PSMA1: variants seen among roughly 807,000 people sequenced by gnomAD.
PSMA1 encodes the protein proteasome subunit alpha type-1.
In PSMA1, 3 loss-of-function variants were observed where a neutral mutation model predicts 38.4. The ratio of observed to expected loss-of-function variants is 0.08; its 90% CI spans 0.04 to 0.20. The LOEUF (loss-of-function observed/expected upper bound fraction) is 0.20. PSMA1 is among the 10% of genes least tolerant of loss of function. The pLI is 1.00. For missense variants in PSMA1, 227 were observed against 325.3 expected (o/e 0.70, Z 2.32); for synonymous variants, 101 against 107.1 (o/e 0.94, Z 0.35).
At chr11:14,572,092 T>A (rs911706371) in intron 2 of PSMA1, among the ~76,000 whole-genome samples, 2 of 152,298 alleles carry the variant, frequency 1.3e-5, no homozygotes, top group Middle Eastern at 6.8e-3. Context: ...ACTGTCAATA[T>A]TAGACAGATC....
chr11:14,587,213 A>G (rs1852357868), intron 2 of PSMA1, among the ~76,000 whole-genome samples: 2 of 151,834 alleles, frequency 1.3e-5, no homozygotes, highest in South Asian at 4.1e-4. Context: ...TTCATTCTTG[A>G]TAGGTTAAAG....
At chr11:14,624,922 T>C (rs1335419815) in intron 1 of PSMA1, among the ~76,000 whole-genome samples, 1 of 152,152 alleles carries the variant, frequency 6.6e-6, no homozygotes, top group Non-Finnish European at 1.5e-5. Context: ...GCCAAGGTGA[T>C]AGCTGAGGGT....
intron 9 of PSMA1, among the ~76,000 whole-genome samples, chr11:14,507,057 C>T (rs2134140321): frequency 6.6e-6 from 1 of 152,284 alleles, no homozygotes; most frequent in East Asian, 1.9e-4. Context: ...AGGTGAGCCC[C>T]AGTCAGCCGC....
chr11:14,524,027 C>G (rs144111468), upstream of PSMA1, among the ~76,000 whole-genome samples: 4 of 147,546 alleles, frequency 2.7e-5, no homozygotes, highest in Non-Finnish European at 5.9e-5. Flanking sequence ...GTAATCCCGA[C>G]ACTTTTTTTT....
intron 1 of PSMA1, among the ~76,000 whole-genome samples, chr11:14,637,288 T>C (rs1853122344): frequency 6.6e-6 from 1 of 152,218 alleles, no homozygotes. Context: ...CTCCTCCTTG[T>C]CCACCTGGGA....
chr11:14,507,161 C>G (rs1370416220), intron 9 of PSMA1, among the ~76,000 whole-genome samples: 1 of 151,834 alleles, frequency 6.6e-6, no homozygotes, highest in African/African-American at 2.4e-5. Context: ...AACACTTCTC[C>G]CTTTTTGTGT....
rs374080920 is a variant in PSMA1, at chr11:14,514,504, C to A, written c.255-13G>T. On this transcript the variant is annotated splice_polypyrimidine_tract_variant and intron_variant, in intron 4 of 9. Coordinates refer to ENST00000396394, the MANE Select transcript of PSMA1 (RefSeq NM_002786.4). Reference sequence around the variant, plus strand: ...ACGCATAAAATTACTAAAAAAGAAACAAAAAAAGTTTAGTAATTTCAAATT... The same window carrying A: ...ACGCATAAAATTACTAAAAAAGAAAAAAAAAAAGTTTAGTAATTTCAAATT... 5 of 1,524,664 alleles carry A rather than the reference C, an allele frequency of 3.3e-6. No homozygotes were observed. The highest frequency in any genetic ancestry group is 4.7e-5 in the Admixed American group (2 of 42,616). 94.4% of individuals were successfully genotyped at this position (1,524,664 alleles called of 1,614,324 possible).
rs554861864 is a variant in PSMA1 at position 14,514,181 on chromosome 11, C to T, written c.343+222G>A. On this transcript the variant is annotated intron_variant, in intron 5 of 9. Coordinates refer to ENST00000396394, the MANE Select transcript of PSMA1 (RefSeq NM_002786.4). ...CTAGAACCATTAAGAAACTTTAAAT[C>T]CCCTCTAAAAAGATGCTTAGATGAT... is the stretch of plus-strand genomic sequence containing the variant. The T allele has an allele frequency of 3.7e-6, 5 of 1,334,276 alleles. No homozygotes were observed. In the East Asian group the frequency reaches 8.9e-5, roughly 24 times the overall value. 82.7% of individuals were successfully genotyped at this position (1,334,276 alleles called of 1,614,324 possible). A position where few individuals can be genotyped will look rare whatever the true frequency, so the allele number is the denominator to read the frequency against.
intron 2 of PSMA1, among the ~76,000 whole-genome samples, chr11:14,608,556 TATA>T (rs989488675): frequency 2.7e-5 from 4 of 149,060 alleles, no homozygotes; most frequent in Non-Finnish European, 4.5e-5. Context: ...AAACTTAAAG[TATA>T]ATAATAATAA....
chr11:14,552,566 TG>T (rs1472511375), intron 2 of PSMA1, among the ~76,000 whole-genome samples: 5 of 152,150 alleles, frequency 3.3e-5, no homozygotes, highest in Non-Finnish European at 7.3e-5. Context: ...AATTACTCTA[TG>T]GTAATAAGTG....
chr11:14,637,343 A>G (rs1183793155), intron 1 of PSMA1, among the ~76,000 whole-genome samples: 2 of 152,192 alleles, frequency 1.3e-5, no homozygotes, highest in East Asian at 3.8e-4. Context: ...TTCATCTGTG[A>G]ACTACTCCAT....
At chr11:14,553,999 C>T (rs1851916036) in intron 2 of PSMA1, among the ~76,000 whole-genome samples, 1 of 152,136 alleles carries the variant, frequency 6.6e-6, no homozygotes, top group Non-Finnish European at 1.5e-5. Flanking sequence ...TTTTAGCCAT[C>T]CTAATAGGTA....
intron 2 of PSMA1, among the ~76,000 whole-genome samples, chr11:14,589,557 C>A (rs541323701): frequency 6.6e-6 from 1 of 151,918 alleles, no homozygotes; most frequent in South Asian, 2.1e-4. Flanking sequence ...TCCCCAGACC[C>A]AGAGCTTACA....
At chr11:14,509,777 G>A (rs933403654) in intron 8 of PSMA1, among the ~76,000 whole-genome samples, 1 of 147,106 alleles carries the variant, frequency 6.8e-6, no homozygotes, top group African/African-American at 2.5e-5. Flanking sequence ...AGGCTGGAGT[G>A]CAGTGGCGCA....
intron 2 of PSMA1, among the ~76,000 whole-genome samples, chr11:14,553,185 T>C (rs1399797840): frequency 1.3e-5 from 2 of 152,146 alleles, no homozygotes; most frequent in African/African-American, 4.8e-5. Context: ...TTATTATAGA[T>C]TCATAGGAAA....
chr11:14,566,068 T>C (rs950193722), intron 2 of PSMA1, among the ~76,000 whole-genome samples: 1 of 152,148 alleles, frequency 6.6e-6, no homozygotes, highest in Non-Finnish European at 1.5e-5. Context: ...GCAAGGCCAG[T>C]GTGGCCGGAG....
At chr11:14,531,789 C>T (rs926754424) in intron 2 of PSMA1, among the ~76,000 whole-genome samples, 1 of 152,084 alleles carries the variant, frequency 6.6e-6, no homozygotes, top group Non-Finnish European at 1.5e-5. Context: ...GTATAGTATT[C>T]TATGGTACTT....
chr11:14,637,592 AT>A (rs560430562), intron 1 of PSMA1, among the ~76,000 whole-genome samples: 55 of 150,514 alleles, frequency 3.7e-4, no homozygotes, highest in Non-Finnish European at 6.5e-4. Flanking sequence ...TTACGGCTTA[AT>A]TTTTTTTTTC....
At chr11:14,634,231 C>T (rs544687431) in intron 1 of PSMA1, among the ~76,000 whole-genome samples, 6 of 152,140 alleles carry the variant, frequency 3.9e-5, no homozygotes, top group Non-Finnish European at 7.4e-5. Context: ...CAAAACCAGT[C>T]GTTGGTGCCA....
Sources: allele counts gnomAD v4.1 joint callset (sites outside exome capture counted in the v4.1 genomes callset), GRCh38; gene constraint gnomAD v4.1.1; transcripts MANE v1.5; gene names NCBI Gene and HGNC (gene_info 2026-07-23, HGNC 2026-07-21).